Variants in ACAD11 observed in about 807,000 individuals in gnomAD.
ACAD11 encodes the protein acyl-CoA dehydrogenase family member 11, also known as acyl-Coenzyme A dehydrogenase family, member 11.
In ACAD11, 83 loss-of-function variants were observed where a neutral mutation model predicts 102.2. The ratio of observed to expected loss-of-function variants is 0.81; its 90% CI spans 0.68 to 0.97. The LOEUF is 0.97. Among genes scored for constraint, ACAD11 ranks in the 50% least tolerant of loss-of-function variants. The probability of loss-of-function intolerance (pLI) is 0.00; values close to 1 mark genes in which losing one functional copy is unlikely to be tolerated. For synonymous variants in ACAD11, 324 were observed against 319.8 expected, an observed-to-expected ratio of 1.01 and a Z score of -0.14; for missense variants, 901 against 951.7, an observed-to-expected ratio of 0.95 and a Z score of 0.70.
chr3:132,601,012 C>A (rs1313976936), intron 13 of ACAD11: 3 of 1,613,664 alleles, frequency 1.9e-6, no homozygotes, highest in South Asian at 1.1e-5. Flanking sequence ...TGCTAGAGAT[C>A]TGCATTGGAT....
chr3:132,613,216 G>A (rs986318560), intron 11 of ACAD11, among the ~76,000 whole-genome samples: 41 of 151,440 alleles, frequency 2.7e-4, no homozygotes, highest in African/African-American at 9.5e-4. Context: ...TCACACTCTG[G>A]GGACTGTTGT....
At chr3:132,603,625 G>A (rs1938712285) in intron 12 of ACAD11, among the ~76,000 whole-genome samples, 1 of 152,202 alleles carries the variant, frequency 6.6e-6, no homozygotes, top group African/African-American at 2.4e-5. Flanking sequence ...ATCAGCAAAT[G>A]TAGATAAAAG....
intron 7 of ACAD11, 112 bp downstream of exon 7, chr3:132,630,322 TATG>T (rs1396527218): frequency 2.6e-6 from 3 of 1,173,762 alleles, no homozygotes; most frequent in Admixed American, 2.9e-5. Flanking sequence ...TACCTGTCAT[TATG>T]ATAAGCCAAA....
intron 11 of ACAD11, among the ~76,000 whole-genome samples, chr3:132,611,176 C>T (rs1208327179): frequency 6.6e-6 from 1 of 152,122 alleles, no homozygotes; most frequent in Non-Finnish European, 1.5e-5. Flanking sequence ...TTCAACAACG[C>T]TTCATGCTAA....
chr3:132,625,670 A>C (rs1939781982), intron 9 of ACAD11, among the ~76,000 whole-genome samples: 1 of 152,158 alleles, frequency 6.6e-6, no homozygotes, highest in Non-Finnish European at 1.5e-5. Flanking sequence ...ATTTACTAAA[A>C]ATATAATAAT....
At chr3:132,638,213 A>T (rs1040680906) in intron 5 of ACAD11, among the ~76,000 whole-genome samples, 3 of 150,396 alleles carry the variant, frequency 2.0e-5, no homozygotes, top group African/African-American at 7.3e-5. Context: ...GCAACTCAGA[A>T]TTTTTTTTTT....
intron 13 of ACAD11, among the ~76,000 whole-genome samples, chr3:132,581,976 T>C (rs139527594): frequency 8.5e-5 from 13 of 152,118 alleles, no homozygotes; most frequent in African/African-American, 2.9e-4. Flanking sequence ...CCTGAAAATG[T>C]GAAAGTATAA....
At chr3:132,568,677 C>A (rs1300371352) in intron 17 of ACAD11, among the ~76,000 whole-genome samples, 1 of 151,886 alleles carries the variant, frequency 6.6e-6, no homozygotes, top group Non-Finnish European at 1.5e-5. Context: ...ACAGAAGAGA[C>A]AACCCATATA....
At chr3:132,641,817 T>A (rs1940536373) in intron 4 of ACAD11, among the ~76,000 whole-genome samples, 155 bp downstream of exon 4, 1 of 152,154 alleles carries the variant, frequency 6.6e-6, no homozygotes, top group South Asian at 2.1e-4. Flanking sequence ...AAACATAAGA[T>A]AATTTTATAC....
intron 17 of ACAD11, among the ~76,000 whole-genome samples, chr3:132,563,865 G>T (rs1186321328): frequency 6.6e-6 from 1 of 152,054 alleles, no homozygotes; most frequent in Non-Finnish European, 1.5e-5. Flanking sequence ...CCAGTTTTGG[G>T]GGAAAAGCAT....
chr3:132,614,286 C>G (rs1302751677), intron 11 of ACAD11, among the ~76,000 whole-genome samples: 3 of 152,266 alleles, frequency 2.0e-5, no homozygotes, highest in African/African-American at 7.2e-5. Flanking sequence ...CCCCATCAAG[C>G]TACCATTGAC....
At chr3:132,561,870 C>T (rs542970990) in intron 17 of ACAD11, among the ~76,000 whole-genome samples, 1 of 152,290 alleles carries the variant, frequency 6.6e-6, no homozygotes, top group South Asian at 2.1e-4. Flanking sequence ...GATAGGTTCT[C>T]CATCACTATA....
chr3:132,599,073 G>T (rs942624090), intron 13 of ACAD11, among the ~76,000 whole-genome samples: 1 of 152,150 alleles, frequency 6.6e-6, no homozygotes, highest in Non-Finnish European at 1.5e-5. Context: ...AACTCTTTGC[G>T]AGGCCAAGGC....
At chr3:132,609,107 C>T (rs373430359) in intron 11 of ACAD11, among the ~76,000 whole-genome samples, 1 of 152,122 alleles carries the variant, frequency 6.6e-6, no homozygotes, top group Non-Finnish European at 1.5e-5. Context: ...AACAAAGACA[C>T]AATGTACCAG....
At chr3:132,626,194 A>T (rs1939801233) in intron 9 of ACAD11, among the ~76,000 whole-genome samples, 1 of 152,222 alleles carries the variant, frequency 6.6e-6, no homozygotes, top group South Asian at 2.1e-4. Flanking sequence ...TTATTTGGTA[A>T]CTGAATGAAT....
At chr3:132,575,386 T>C (rs1006669120) in intron 17 of ACAD11, among the ~76,000 whole-genome samples, 1 of 152,196 alleles carries the variant, frequency 6.6e-6, no homozygotes, top group Admixed American at 6.5e-5. Context: ...TTTGGGCTGT[T>C]TTCCTGTAAC....
At chr3:132,647,407 G>A (rs1233259220) in intron 1 of ACAD11, 1 of 152,202 alleles carries the variant, frequency 6.6e-6, no homozygotes, top group African/African-American at 2.4e-5. Context: ...TACTTTTGAT[G>A]TGTCTAACCT....
At chr3:132,630,696 G>T in intron 6 of ACAD11, 138 bp from the exon 7 acceptor site, 1 of 701,374 alleles carries the variant, frequency 1.4e-6, no homozygotes, top group South Asian at 2.9e-5. Flanking sequence ...TCTAAATCTT[G>T]ATTTCCAAAA....
At chr3:132,634,389 TAA>T (rs1475345412) in intron 5 of ACAD11, among the ~76,000 whole-genome samples, 4 of 152,024 alleles carry the variant, frequency 2.6e-5, no homozygotes, top group Non-Finnish European at 5.9e-5. Context: ...TGGCGATCAT[TAA>T]AAAGTCAGGA....
Sources: allele counts gnomAD v4.1 joint callset (sites outside exome capture counted in the v4.1 genomes callset), GRCh38; gene constraint gnomAD v4.1.1; transcripts MANE v1.5; gene names NCBI Gene and HGNC (gene_info 2026-07-23, HGNC 2026-07-21).